The following SLC12A6 variants were observed in gnomAD, a reference collection of about 807,000 sequenced individuals.
SLC12A6 encodes K-Cl cotransporter 3.
Under a neutral mutation model 135.3 loss-of-function variants are expected in SLC12A6, and 66 were observed. The observed-to-expected ratio is 0.49, with a 90% CI of 0.40 to 0.60. SLC12A6 has a LOEUF of 0.60. Ranked by LOEUF, SLC12A6 falls within the 20% of genes least tolerant of loss-of-function variation. The pLI, the probability that SLC12A6 is intolerant of heterozygous loss-of-function variation, is 0.00. For missense variants in SLC12A6, 1,058 were observed against 1,452.3 expected, an observed-to-expected ratio of 0.73 and a Z score of 4.41; for synonymous variants, 513 against 508.8, an observed-to-expected ratio of 1.01 and a Z score of -0.11.
chr15:34,262,136 C>A (rs1224749509), intron 3 of SLC12A6, among the ~76,000 whole-genome samples: 1 of 152,216 alleles, frequency 6.6e-6, no homozygotes, highest in Non-Finnish European at 1.5e-5. Context: ...AATCCATGGA[C>A]TGAACTGAGA....
chr15:34,334,552 T>C (rs967578633), intron 2 of SLC12A6, among the ~76,000 whole-genome samples: 1 of 152,106 alleles, frequency 6.6e-6, no homozygotes, highest in Non-Finnish European at 1.5e-5. Context: ...TCATAAGAAT[T>C]TTTTTAAATA....
At chr15:34,280,902 CATTAT>C (rs1206471692) in intron 2 of SLC12A6, among the ~76,000 whole-genome samples, 1 of 152,012 alleles carries the variant, frequency 6.6e-6, no homozygotes, top group African/African-American at 2.4e-5. Context: ...AACTGAAGGA[CATTAT>C]GTTAAGTGAA....
intron 16 of SLC12A6, among the ~76,000 whole-genome samples, chr15:34,243,153 A>G (rs1891764380): frequency 6.6e-6 from 1 of 151,848 alleles, no homozygotes; most frequent in Non-Finnish European, 1.5e-5. Flanking sequence ...TGGCCTCCCA[A>G]AGTGCTGGGA....
chr15:34,237,609 C>G lies in SLC12A6; in HGVS notation c.2803-59G>C, dbSNP rs1225873073. 7.0e-6 allele frequency: 10 copies of G among 1,421,532 alleles called. No individual in the cohort carries two copies. In the East Asian group the frequency reaches 2.1e-4, roughly 30 times the overall value. 88.1% of individuals were successfully genotyped at this position (1,421,532 alleles called of 1,614,324 possible). A position where few individuals can be genotyped will look rare whatever the true frequency, so the allele number is the denominator to read the frequency against. On this transcript the variant is annotated intron_variant, in intron 21 of 25. Transcript: ENST00000354181. ...AGCAAGGAGGCAAAAAAGGTTATTT[C>G]CTAAGACATTAGACATTGTGGTCTA...
intron 2 of SLC12A6, among the ~76,000 whole-genome samples, chr15:34,285,157 A>G (rs1894959882): frequency 6.6e-6 from 1 of 152,236 alleles, no homozygotes; most frequent in African/African-American, 2.4e-5. Flanking sequence ...CATGATCACA[A>G]CAGCTATAGT....
intron 2 of SLC12A6, among the ~76,000 whole-genome samples, chr15:34,319,035 C>G (rs1019065874): frequency 6.6e-6 from 1 of 152,080 alleles, no homozygotes; most frequent in Non-Finnish European, 1.5e-5. Context: ...GCTTGCTCCT[C>G]TATTTCCTTC....
chr15:34,279,864 A>G (rs2140909186), intron 2 of SLC12A6, among the ~76,000 whole-genome samples: 1 of 152,360 alleles, frequency 6.6e-6, no homozygotes, highest in Non-Finnish European at 1.5e-5. Flanking sequence ...AAACAGATAG[A>G]TGTAATCAGA....
At chr15:34,234,560 C>CG (rs1891127886) in intron 25 of SLC12A6, among the ~76,000 whole-genome samples, 1 of 151,834 alleles carries the variant, frequency 6.6e-6, no homozygotes, top group Non-Finnish European at 1.5e-5. Context: ...TTAGTGGAGA[C>CG]GGGGTTTCAC....
At chr15:34,237,300 C>A in intron 22 of SLC12A6, 119 bp downstream of exon 22, 3 of 702,842 alleles carry the variant, frequency 4.3e-6, no homozygotes, top group South Asian at 1.7e-5. Flanking sequence ...TTTTTTTTGG[C>A]ACTAGGGGAT....
chr15:34,287,179 G>A lies in SLC12A6; in HGVS notation c.272-11790C>T, dbSNP rs138380602. On this transcript the variant is annotated intron_variant, in intron 2 of 25. Coordinates refer to ENST00000354181, the MANE Select transcript of SLC12A6 (RefSeq NM_001365088.1). The stretch of plus-strand genomic sequence containing the variant: ...TCTGGTGTGTGATGTTCCCCTCCCT[G>A]TGTCCATGTGTTCTCATTGTTCAAC... Among the ~76,000 whole-genome samples, 28 of 152,172 alleles carry A rather than the reference G, an allele frequency of 1.8e-4. No homozygotes were observed. In the East Asian group the frequency reaches 5.2e-3, roughly 28 times the overall value.
chr15:34,254,303 A>G, intron 9 of SLC12A6, 45 bp downstream of exon 9: 1 of 1,572,926 alleles, frequency 6.4e-7, no homozygotes, highest in Non-Finnish European at 8.7e-7. Context: ...GATATTTTCA[A>G]TTACTACCCA....
intron 2 of SLC12A6, among the ~76,000 whole-genome samples, chr15:34,293,054 G>C (rs1282222849): frequency 6.6e-6 from 1 of 152,162 alleles, no homozygotes; most frequent in African/African-American, 2.4e-5. Flanking sequence ...AGATGAACCA[G>C]GTACCTCAGT....
Position 34,245,806 on chromosome 15 carries a change from C to T in SLC12A6, c.1711G>A (p.Val571Met). The change falls in exon 14 of 26, where the codon GTG becomes ATG. Residue 571 changes from valine to methionine, a missense_variant. Around this residue, in one of 6 missense-constraint regions of SLC12A6, gnomAD observed 170 missense variants for 297.6 expected, o/e 0.57. Transcript: ENST00000354181. ...VGTLSWPSPW[V>M]IVIGSFFSTC... Reference sequence around the variant, plus strand: ...GAAAAGAAGGAGCCAATAACAATCACCCATGGGGATGGCCAAGATAAGGTG... The same window carrying T: ...GAAAAGAAGGAGCCAATAACAATCATCCATGGGGATGGCCAAGATAAGGTG... The T allele has an allele frequency of 6.2e-7, 1 of 1,613,510 alleles. No homozygotes were observed. The highest frequency in any genetic ancestry group is 8.5e-7 in the Non-Finnish European group (1 of 1,179,444).
intron 16 of SLC12A6, 147 bp downstream of exon 16, chr15:34,243,827 G>A (rs1310250059): frequency 4.5e-6 from 3 of 672,514 alleles, no homozygotes; most frequent in Admixed American, 2.5e-5. Flanking sequence ...GGAGGATGAG[G>A]ATTCAGATAA....
At chr15:34,303,851 C>T (rs960157826) in intron 2 of SLC12A6, among the ~76,000 whole-genome samples, 1 of 152,190 alleles carries the variant, frequency 6.6e-6, no homozygotes, top group African/African-American at 2.4e-5. Context: ...GCCTCCAGAA[C>T]CACGAGTCAA....
rs746758533 is a variant in SLC12A6, at chr15:34,235,058, A to C, written c.3361+123T>G. 1.4e-4 allele frequency: 131 copies of C among 935,950 alleles called. 1 individual carries two copies. Among genetic ancestry groups the C allele is most frequent in the Non-Finnish European group, 2.2e-4 (123 of 569,098 alleles). The allele number at this position is 935,950 out of a possible 1,614,324, so 58.0% of individuals were successfully genotyped here. A position where few individuals can be genotyped will look rare whatever the true frequency, so the allele number is the denominator to read the frequency against. ...GTAAAAATCCTTGCCTAGGACTTTT[A>C]AGTCTCCCTTCCTTAAAGAGGGAAA... On this transcript the variant is annotated intron_variant, in intron 25 of 25. Transcript: ENST00000354181.
chr15:34,233,716 A>G lies in SLC12A6; in HGVS notation c.*165T>C. On this transcript the variant is annotated 3_prime_UTR_variant, in exon 26 of 26. Coordinates refer to ENST00000354181, the MANE Select transcript of SLC12A6 (RefSeq NM_001365088.1). ...CTGTAATGACTGCAGATCAGATGGG[A>G]GCTCTTTTACACAGGTACTTGAGGC... The G allele has an allele frequency of 1.5e-6, 1 of 665,942 alleles. No homozygotes were observed. Among genetic ancestry groups the G allele is most frequent in the Admixed American group, 2.2e-5 (1 of 45,244 alleles). 41.3% of individuals were successfully genotyped at this position (665,942 alleles called of 1,614,324 possible). A position where few individuals can be genotyped will look rare whatever the true frequency, so the allele number is the denominator to read the frequency against.
At chr15:34,286,196 C>A (rs1895067063) in intron 2 of SLC12A6, among the ~76,000 whole-genome samples, 1 of 151,878 alleles carries the variant, frequency 6.6e-6, no homozygotes, top group Non-Finnish European at 1.5e-5. Flanking sequence ...GACTCAGCCT[C>A]CCGAGTAGCT....
chr15:34,302,517 G>A (rs1294969160), intron 2 of SLC12A6, among the ~76,000 whole-genome samples: 1 of 151,968 alleles, frequency 6.6e-6, no homozygotes, highest in Non-Finnish European at 1.5e-5. Context: ...CCAACATGGT[G>A]AAACCCCATT....
Sources: allele counts gnomAD v4.1 joint callset (sites outside exome capture counted in the v4.1 genomes callset), GRCh38; gene constraint gnomAD v4.1.1; regional missense constraint gnomAD v4.1.1; transcripts MANE v1.5; gene names NCBI Gene and HGNC (gene_info 2026-07-23, HGNC 2026-07-21).